PRORP: variants seen among roughly 807,000 people sequenced by gnomAD.
PRORP encodes protein only RNase P catalytic subunit.
In PRORP, 51 loss-of-function variants were observed where a neutral mutation model predicts 59.4. The observed-to-expected ratio is 0.86, with a 90% CI of 0.69 to 1.08. The LOEUF (loss-of-function observed/expected upper bound fraction) is 1.08, where lower values mean the gene tolerates loss of function less well. PRORP is among the 50% of genes least tolerant of loss of function. PRORP has a pLI of 0.00. For missense variants in PRORP, 646 were observed against 690.3 expected, an observed-to-expected ratio of 0.94 and a Z score of 0.72; for synonymous variants, 231 against 245.6, an observed-to-expected ratio of 0.94 and a Z score of 0.55.
intron 5 of PRORP, among the ~76,000 whole-genome samples, chr14:35,226,093 G>A (rs2049927174): frequency 6.6e-6 from 1 of 152,126 alleles, no homozygotes; most frequent in Non-Finnish European, 1.5e-5. Flanking sequence ...TTCCTAGTCT[G>A]TGAAATATTT....
intron 4 of PRORP, among the ~76,000 whole-genome samples, chr14:35,163,875 T>C (rs899302491): frequency 2.0e-5 from 3 of 152,168 alleles, no homozygotes; most frequent in Non-Finnish European, 2.9e-5. Flanking sequence ...ATTTCCTAGG[T>C]TTTCTTCTAG....
intron 4 of PRORP, among the ~76,000 whole-genome samples, chr14:35,171,632 T>C (rs1293115190): frequency 6.6e-6 from 1 of 152,198 alleles, no homozygotes; most frequent in East Asian, 1.9e-4. Context: ...GTTTTACTTA[T>C]GGTTTTCTTT....
intron 5 of PRORP, among the ~76,000 whole-genome samples, chr14:35,227,551 C>T (rs191569516): frequency 3.3e-5 from 5 of 152,230 alleles, no homozygotes; most frequent in African/African-American, 1.2e-4. Context: ...CCAGCTTGCA[C>T]CTATAAATCT....
chr14:35,252,411 G>C (rs2050636562), intron 5 of PRORP, among the ~76,000 whole-genome samples: 1 of 152,192 alleles, frequency 6.6e-6, no homozygotes, highest in Non-Finnish European at 1.5e-5. Flanking sequence ...GGATGGCAGA[G>C]TGAAACCCTG....
In PRORP at chr14:35,172,052, A is replaced by ATTTT. The variant is rs149889091; in HGVS notation, c.1168-8607_1168-8604dup. Among the ~76,000 whole-genome samples, 126 of 140,746 alleles carry ATTTT rather than the reference A, an allele frequency of 9.0e-4. 2 individuals are homozygous for ATTTT. Among genetic ancestry groups the ATTTT allele is most frequent in the Middle Eastern group, 3.7e-3 (1 of 272 alleles). The allele number at this position is 140,746 out of a possible 152,430, so 92.3% of individuals were successfully genotyped here. ...TTAATTATGACTATATTTACTTCTA[A>ATTTT]TTTTTTTTTTTTTTGAGATGGAGTT... On this transcript the variant is annotated intron_variant, in intron 4 of 7. Transcript: ENST00000534898.
At chr14:35,226,150 A>G (rs2049928733) in intron 5 of PRORP, among the ~76,000 whole-genome samples, 1 of 152,234 alleles carries the variant, frequency 6.6e-6, no homozygotes, top group South Asian at 2.1e-4. Flanking sequence ...TGTTTCTCAA[A>G]TTAACTATTT....
intron 4 of PRORP, among the ~76,000 whole-genome samples, chr14:35,174,307 T>C (rs1383072150): frequency 6.6e-6 from 1 of 152,138 alleles, no homozygotes; most frequent in East Asian, 1.9e-4. Context: ...CTAGAATTTA[T>C]ATTATTATCT....
Position 35,215,924 on chromosome 14 carries a change from G to A in PRORP, c.1275+35147G>A, listed in dbSNP as rs541032517. 5.9e-5 allele frequency among the ~76,000 whole-genome samples: 9 copies of A among 151,290 alleles called. No individual in the cohort carries two copies. In the South Asian group the frequency reaches 1.7e-3, roughly 28 times the overall value. On this transcript the variant is annotated intron_variant, in intron 5 of 7. Transcript: ENST00000534898. ...TTGGATTACAGGTGCCCACCACCAC[G>A]CCTGGCTAATTTTTGTATTTTTAGT...
intron 4 of PRORP, among the ~76,000 whole-genome samples, chr14:35,139,562 A>C (rs546370804): frequency 6.9e-6 from 1 of 145,388 alleles, no homozygotes; most frequent in African/African-American, 2.4e-5. Context: ...TTTGTGTCTC[A>C]ATCATTCTTT....
intron 5 of PRORP, among the ~76,000 whole-genome samples, chr14:35,261,221 A>G (rs534611716): frequency 1.6e-4 from 24 of 152,168 alleles, no homozygotes; most frequent in Admixed American, 1.2e-3. Context: ...ACTCACCACC[A>G]TGTCAGTCCT....
At chr14:35,202,377 T>C (rs2049178647) in intron 5 of PRORP, among the ~76,000 whole-genome samples, 3 of 152,202 alleles carry the variant, frequency 2.0e-5, no homozygotes, top group Non-Finnish European at 4.4e-5. Flanking sequence ...GAAATGTGTT[T>C]CTGCCACTTG....
intron 5 of PRORP, chr14:35,263,135 G>T: frequency 1.2e-6 from 1 of 836,766 alleles, no homozygotes; most frequent in Middle Eastern, 3.5e-4. Flanking sequence ...GATTTGGAAA[G>T]AAAAATAAAA....
chr14:35,147,680 A>G (rs183163187), intron 4 of PRORP, among the ~76,000 whole-genome samples: 1 of 152,358 alleles, frequency 6.6e-6, no homozygotes, highest in Admixed American at 6.5e-5. Flanking sequence ...TTTGCCACAT[A>G]AATTGACTCT....
At chr14:35,265,333 T>C (rs2051013602) in intron 5 of PRORP, among the ~76,000 whole-genome samples, 1 of 152,228 alleles carries the variant, frequency 6.6e-6, no homozygotes, top group South Asian at 2.1e-4. Flanking sequence ...CATGATTATA[T>C]AATACAAGTT....
chr14:35,124,434 A>C (rs1336709003), intron 2 of PRORP: 1 of 328,120 alleles, frequency 3.0e-6, no homozygotes, highest in African/African-American at 2.1e-5. Context: ...TACCTGGCTA[A>C]TTATTTTTAA....
At chr14:35,124,749 T>C (rs1442795670) in intron 2 of PRORP, among the ~76,000 whole-genome samples, 1 of 148,912 alleles carries the variant, frequency 6.7e-6, no homozygotes, top group East Asian at 2.0e-4. Context: ...CCACTGTTCA[T>C]AGCAAGAAAA....
chr14:35,237,933 C>A lies in PRORP; in HGVS notation c.1276-28794C>A, dbSNP rs1454218423. Among the ~76,000 whole-genome samples the A allele has an allele frequency of 5.3e-5, 8 of 152,182 alleles. No individual in the cohort carries two copies. In the East Asian group the frequency reaches 1.5e-3, roughly 29 times the overall value. On this transcript the variant is annotated intron_variant, in intron 5 of 7. Coordinates refer to ENST00000534898, the MANE Select transcript of PRORP (RefSeq NM_014672.4). ...CCTCCCAAAGTGCTGGGATTACAGG[C>A]ATGAGCCACCGTGCCTGGCCTTAAA...
intron 4 of PRORP, among the ~76,000 whole-genome samples, chr14:35,140,202 GGTCTTATGGTAGAT>G (rs1447977964): frequency 7.3e-6 from 1 of 137,768 alleles, no homozygotes. Flanking sequence ...GGAATGGTTT[GGTCTTATGGTAGAT>G]GTCTTATGGT....
At chr14:35,163,645 G>A (rs1427385237) in intron 4 of PRORP, among the ~76,000 whole-genome samples, 2 of 152,012 alleles carry the variant, frequency 1.3e-5, no homozygotes, top group Non-Finnish European at 2.9e-5. Context: ...TAAGTTCCTT[G>A]TAGATTCTGG....
Sources: allele counts gnomAD v4.1 joint callset (sites outside exome capture counted in the v4.1 genomes callset), GRCh38; gene constraint gnomAD v4.1.1; transcripts MANE v1.5; gene names NCBI Gene and HGNC (gene_info 2026-07-23, HGNC 2026-07-21).